PCDHGA5: variants seen among roughly 807,000 people sequenced by gnomAD.
PCDHGA5 encodes protocadherin gamma-A5.
In PCDHGA5, 36 loss-of-function variants were observed where a neutral mutation model predicts 56.7. That is an observed-to-expected ratio of 0.64 (90% CI 0.49 to 0.84). The LOEUF (loss-of-function observed/expected upper bound fraction) is 0.84, where lower values mean the gene tolerates loss of function less well. PCDHGA5 is among the 40% of genes least tolerant of loss of function. PCDHGA5 has a pLI of 0.00. For missense variants in PCDHGA5, 1,305 were observed against 1,201.5 expected (o/e 1.09, Z -1.27); for synonymous variants, 563 against 520.2 (o/e 1.08, Z -1.12).
rs1327490895 is a variant in PCDHGA5, at chr5:141,487,672, G to A, written c.2422-7135G>A. The stretch of plus-strand genomic sequence containing the variant: ...AGGGTTATTCTGATCCAGGCATATG[G>A]CTAGGCCATGTCCTAGAGAGTACTG... On this transcript the variant is annotated intron_variant, in intron 1 of 3. Coordinates refer to ENST00000518069, the MANE Select transcript of PCDHGA5 (RefSeq NM_018918.3). This position sits in a 1 kb window ranked among gnomAD's most constrained non-coding sequence, Gnocchi z 5.0. 6.2e-7 allele frequency: 1 copy of A among 1,611,484 alleles called. No individual in the cohort carries two copies. Among genetic ancestry groups the A allele is most frequent in the Non-Finnish European group, 8.5e-7 (1 of 1,178,612 alleles).
chr5:141,450,264 C>T (rs1395960399), intron 1 of PCDHGA5, among the ~76,000 whole-genome samples: 1 of 152,112 alleles, frequency 6.6e-6, no homozygotes, highest in Non-Finnish European at 1.5e-5. Flanking sequence ...GTGATCTGCC[C>T]ACCTCAGCTA....
At chr5:141,495,400 C>T (rs554849650) in intron 2 of PCDHGA5, among the ~76,000 whole-genome samples, 4 of 152,278 alleles carry the variant, frequency 2.6e-5, no homozygotes, top group Non-Finnish European at 1.5e-5. Flanking sequence ...ATGGAGCAGG[C>T]CCCCTTCTCC....
intron 1 of PCDHGA5, chr5:141,404,898 A>G (rs760424169): frequency 1.9e-6 from 3 of 1,613,714 alleles, no homozygotes; most frequent in Non-Finnish European, 2.5e-6. Context: ...GTACAGGACC[A>G]TGGCCAGCCC....
chr5:141,430,951 C>A, intron 1 of PCDHGA5: 3 of 1,610,496 alleles, frequency 1.9e-6, no homozygotes, highest in Non-Finnish European at 2.5e-6. Flanking sequence ...AGCGCGGAGT[C>A]CGCATCATCC....
chr5:141,418,996 TG>T (rs745777250), intron 1 of PCDHGA5: 13 of 1,613,756 alleles, frequency 8.1e-6, no homozygotes, highest in Non-Finnish European at 1.1e-5. Flanking sequence ...CAGGGGAAAA[TG>T]GGGAAGTCAG....
At chr5:141,410,764 A>G (rs1288407043) in intron 1 of PCDHGA5, 2 of 1,105,068 alleles carry the variant, frequency 1.8e-6, no homozygotes, top group African/African-American at 1.6e-5. Context: ...TTTTTCAATT[A>G]TAGTTTTCAC....
intron 1 of PCDHGA5, among the ~76,000 whole-genome samples, chr5:141,483,466 A>C (rs1212605130): frequency 6.6e-6 from 1 of 152,188 alleles, no homozygotes. Context: ...GTTGATTGAC[A>C]TGATATAGGA....
intron 1 of PCDHGA5, chr5:141,377,329 A>G (rs2150108230): frequency 6.6e-6 from 1 of 152,270 alleles, no homozygotes; most frequent in South Asian, 2.1e-4. Flanking sequence ...GGTTTTAGCT[A>G]GCATGGTGGT....
rs781591902 is a variant in PCDHGA5, at chr5:141,477,086, G to A, written c.2422-17721G>A. The A allele has an allele frequency of 1.1e-5, 18 of 1,614,128 alleles. No individual in the cohort carries two copies. In the East Asian group the frequency reaches 3.8e-4, roughly 34 times the overall value. The stretch of plus-strand genomic sequence containing the variant: ...CAAACTCCATGAGATTTACATCCAG[G>A]CCAAAGACAAGGGCGCCAATCCCGA... On this transcript the variant is annotated intron_variant, in intron 1 of 3. Coordinates refer to ENST00000518069, the MANE Select transcript of PCDHGA5 (RefSeq NM_018918.3). The surrounding 1 kb of genome is among the most constrained non-coding windows in gnomAD (Gnocchi z 4.9).
chr5:141,384,914 T>C, intron 1 of PCDHGA5: 1 of 1,613,988 alleles, frequency 6.2e-7, no homozygotes, highest in Non-Finnish European at 8.5e-7. Flanking sequence ...CCCGAAGTCT[T>C]GGCCGACCTG....
intron 1 of PCDHGA5, chr5:141,366,971 C>A: frequency 1.7e-6 from 1 of 573,096 alleles, no homozygotes; most frequent in Non-Finnish European, 2.8e-6. Flanking sequence ...GAAACAAATA[C>A]CTTAAAGGAA....
chr5:141,373,880 A>T, intron 1 of PCDHGA5: 1 of 466,736 alleles, frequency 2.1e-6, no homozygotes, highest in Non-Finnish European at 3.6e-6. Context: ...CAAGAAAATC[A>T]ACGGAAACTC....
chr5:141,451,009 T>C (rs1437016950), intron 1 of PCDHGA5, among the ~76,000 whole-genome samples: 1 of 151,566 alleles, frequency 6.6e-6, no homozygotes, highest in East Asian at 1.9e-4. Context: ...GTATTTTTTT[T>C]AGTAGAGACG....
chr5:141,431,607 A>G lies in PCDHGA5; in HGVS notation c.2422-63200A>G. ...GCGGAAGTGAGGTATTCCTTCCGGT[A>G]TGTGGACGACAAGGCGGCCCAAGTT... is the stretch of plus-strand genomic sequence containing the variant. On this transcript the variant is annotated intron_variant, in intron 1 of 3. Transcript: ENST00000518069. The surrounding 1 kb of genome is among the most constrained non-coding windows in gnomAD (Gnocchi z 4.8). 6.2e-7 allele frequency: 1 copy of G among 1,614,230 alleles called. No individual in the cohort carries two copies. Among genetic ancestry groups the G allele is most frequent in the Non-Finnish European group, 8.5e-7 (1 of 1,180,040 alleles).
intron 1 of PCDHGA5, chr5:141,410,614 G>A: frequency 6.2e-7 from 1 of 1,604,858 alleles, no homozygotes; most frequent in South Asian, 1.1e-5. Flanking sequence ...CTGAGACTCT[G>A]ACTTCGGTGA....
At chr5:141,501,557 G>A (rs192507373) in intron 2 of PCDHGA5, among the ~76,000 whole-genome samples, 1 of 152,124 alleles carries the variant, frequency 6.6e-6, no homozygotes, top group Non-Finnish European at 1.5e-5. Context: ...CATAGGCCCT[G>A]GAATCATATT....
In PCDHGA5 at chr5:141,422,644, T is replaced by C. The variant is rs770618826; in HGVS notation, c.2421+55893T>C. 9 of 1,612,266 alleles carry C rather than the reference T, an allele frequency of 5.6e-6. No homozygotes were observed. The Admixed American group carries it at 1.5e-4, about 27-fold the overall frequency. ...AAACAACCCCAGGGGTGCCTCCATC[T>C]TCTCAGTGACCGCCCTCGACCCGGA... On this transcript the variant is annotated intron_variant, in intron 1 of 3. Coordinates refer to ENST00000518069, the MANE Select transcript of PCDHGA5 (RefSeq NM_018918.3).
At chr5:141,419,201 A>C in intron 1 of PCDHGA5, 1 of 1,613,998 alleles carries the variant, frequency 6.2e-7, no homozygotes, top group South Asian at 1.1e-5. Context: ...CGTCAATGAC[A>C]ACGCGCCGGT....
chr5:141,441,884 C>A (rs2098281796), intron 1 of PCDHGA5: 10 of 343,702 alleles, frequency 2.9e-5, no homozygotes, highest in South Asian at 2.6e-4. Context: ...TACCTGGTCA[C>A]CAAGGTGGTG....
Sources: gnomAD v4.1 joint callset for allele counts (sites outside exome capture counted in the v4.1 genomes callset) on GRCh38, gnomAD v4.1.1 for gene constraint, Gnocchi (gnomAD v3.1) non-coding constraint, MANE v1.5 for transcripts, NCBI Gene and HGNC (gene_info 2026-07-23, HGNC 2026-07-21) for gene names.